Variants in CDH13 observed in about 807,000 individuals in gnomAD.
CDH13 encodes the protein cadherin 13.
In CDH13, 24 loss-of-function variants were observed where a neutral mutation model predicts 63.8. That is an observed-to-expected ratio of 0.38 (90% CI 0.27 to 0.53). The LOEUF (loss-of-function observed/expected upper bound fraction) is 0.53. Among genes scored for constraint, CDH13 ranks in the 20% least tolerant of loss-of-function variants. The probability of loss-of-function intolerance (pLI) is 0.85; values close to 1 mark genes in which losing one functional copy is unlikely to be tolerated. For synonymous variants in CDH13, 503 were observed against 355.3 expected, an observed-to-expected ratio of 1.42 and a Z score of -4.67; for missense variants, 1,049 against 903.1, an observed-to-expected ratio of 1.16 and a Z score of -2.07.
At chr16:83,057,383 C>T (rs2031057841) in intron 3 of CDH13, among the ~76,000 whole-genome samples, 1 of 152,068 alleles carries the variant, frequency 6.6e-6, no homozygotes, top group African/African-American at 2.4e-5. Context: ...AGTTGTATGT[C>T]TTCATCTTTA....
At chr16:83,444,734 G>A (rs1184062383) in intron 6 of CDH13, among the ~76,000 whole-genome samples, 2 of 60,680 alleles carry the variant, frequency 3.3e-5, no homozygotes, top group East Asian at 9.6e-4. Flanking sequence ...GCAGTGTGCT[G>A]AAACCAGCTT....
At chr16:82,993,626 T>C (rs1911892138) in intron 2 of CDH13, among the ~76,000 whole-genome samples, 1 of 152,188 alleles carries the variant, frequency 6.6e-6, no homozygotes, top group East Asian at 1.9e-4. Flanking sequence ...ATTAAAGACA[T>C]GTTATATCAG....
intron 2 of CDH13, among the ~76,000 whole-genome samples, chr16:82,984,136 T>C (rs1910643486): frequency 6.6e-6 from 1 of 152,172 alleles, no homozygotes; most frequent in African/African-American, 2.4e-5. Flanking sequence ...CCAAATATTC[T>C]AAATTTGGAT....
chr16:83,229,341 C>T (rs372411669), intron 5 of CDH13, among the ~76,000 whole-genome samples: 1 of 152,150 alleles, frequency 6.6e-6, no homozygotes, highest in South Asian at 2.1e-4. Flanking sequence ...CTTCAAGTTT[C>T]CCTCTACACA....
chr16:83,261,131 C>G (rs62040398), intron 5 of CDH13, among the ~76,000 whole-genome samples: 2 of 152,060 alleles, frequency 1.3e-5, no homozygotes, highest in African/African-American at 2.4e-5. Flanking sequence ...GACTGACCCA[C>G]CAAGACTTTG....
intron 6 of CDH13, chr16:83,396,572 G>A (rs1432008968): frequency 4.6e-5 from 7 of 152,022 alleles, no homozygotes; most frequent in African/African-American, 1.2e-4. Flanking sequence ...GTCCCTGAAG[G>A]GTTAAGCTCT....
chr16:83,103,243 CT>C (rs35812420), intron 3 of CDH13, among the ~76,000 whole-genome samples: 118 of 91,214 alleles, frequency 1.3e-3, no homozygotes, highest in Middle Eastern at 0.01. Flanking sequence ...GTTAACTGAA[CT>C]TTTTTTTTTT....
At chr16:83,700,006 C>T (rs530033463) in intron 10 of CDH13, among the ~76,000 whole-genome samples, 107 of 152,310 alleles carry the variant, frequency 7.0e-4, no homozygotes, top group African/African-American at 2.5e-3. Context: ...GACGCTATCA[C>T]CGTGATCTAG....
intron 2 of CDH13, among the ~76,000 whole-genome samples, chr16:83,007,174 G>A (rs929140782): frequency 2.0e-5 from 3 of 151,960 alleles, no homozygotes; most frequent in South Asian, 2.1e-4. Flanking sequence ...TGCCCACCTC[G>A]GCCTCCCAGA....
intron 5 of CDH13, among the ~76,000 whole-genome samples, chr16:83,294,616 G>C (rs78296477): frequency 6.7e-6 from 1 of 150,180 alleles, no homozygotes; most frequent in Admixed American, 6.7e-5. Flanking sequence ...GTGTGTGTGT[G>C]TGTATATATA....
chr16:83,486,331 T>C (rs2151563101), intron 6 of CDH13, 146 bp from the exon 7 acceptor site: 2 of 583,632 alleles, frequency 3.4e-6, no homozygotes, highest in Non-Finnish European at 5.7e-6. Context: ...AGCTGAAACA[T>C]AGCAAAGCTT....
chr16:83,251,287 C>G (rs901337473), intron 5 of CDH13, among the ~76,000 whole-genome samples: 35 of 152,068 alleles, frequency 2.3e-4, no homozygotes, highest in Non-Finnish European at 8.8e-5. Context: ...AGAAAAAGCT[C>G]TATTTAAGTG....
At position 82,757,647 on chromosome 16, in the gene CDH13, G is replaced by GTT. The variant is rs776039467; in HGVS notation, c.46-100702_46-100701dup. On this transcript the variant is annotated intron_variant, in intron 1 of 13. Coordinates refer to ENST00000567109, the MANE Select transcript of CDH13 (RefSeq NM_001257.5). ...GTAATAACGCCATAGCTTTTTTTTT[G>GTT]TTTTTTTTTTTTTTGGGGACAGAGT... Among the ~76,000 whole-genome samples, 99 of 88,424 alleles carry GTT rather than the reference G, an allele frequency of 1.1e-3. 1 individual carries two copies. Among genetic ancestry groups the GTT allele is most frequent in the South Asian group, 1.4e-3 (3 of 2,106 alleles). 58.0% of individuals were successfully genotyped at this position (88,424 alleles called of 152,430 possible). A position where few individuals can be genotyped will look rare whatever the true frequency, so the allele number is the denominator to read the frequency against.
At chr16:83,448,066 G>T (rs1354339483) in intron 6 of CDH13, among the ~76,000 whole-genome samples, 1 of 152,194 alleles carries the variant, frequency 6.6e-6, no homozygotes, top group Non-Finnish European at 1.5e-5. Flanking sequence ...GTGTTTAGCT[G>T]AGATAGGGGT....
At chr16:83,478,363 C>T (rs2073667386) in intron 6 of CDH13, among the ~76,000 whole-genome samples, 1 of 152,118 alleles carries the variant, frequency 6.6e-6, no homozygotes, top group Non-Finnish European at 1.5e-5. Flanking sequence ...AGTAGGTGAG[C>T]TTCTCACTCC....
chr16:83,533,265 A>C (rs985119835), intron 7 of CDH13, among the ~76,000 whole-genome samples: 11 of 152,188 alleles, frequency 7.2e-5, no homozygotes, highest in Non-Finnish European at 1.0e-4. Flanking sequence ...TGTGTATTGC[A>C]CTTAAATGTG....
chr16:83,791,425 G>C (rs533628497), intron 13 of CDH13, among the ~76,000 whole-genome samples: 2 of 152,032 alleles, frequency 1.3e-5, no homozygotes, highest in South Asian at 4.2e-4. Context: ...GAGCTTGGGA[G>C]GCAGAGGGTG....
chr16:83,596,221 G>C lies in CDH13; in HGVS notation c.961-6233G>C, dbSNP rs111252970. Among the ~76,000 whole-genome samples the C allele has an allele frequency of 9.4e-3, 1,437 of 152,296 alleles. 20 individuals carry two copies. The highest frequency in any genetic ancestry group is 0.032 in the African/African-American group (1,345 of 41,562). Reference sequence around the variant, plus strand: ...CAGCTGGACAAGTGAAAGTGAACCTGGACAAGTGAAGAGGCAGGTTGCCTT... The same window carrying C: ...CAGCTGGACAAGTGAAAGTGAACCTCGACAAGTGAAGAGGCAGGTTGCCTT... On this transcript the variant is annotated intron_variant, in intron 7 of 13. Transcript: ENST00000567109.
intron 2 of CDH13, among the ~76,000 whole-genome samples, chr16:82,949,024 C>T (rs563163805): frequency 5.3e-5 from 8 of 152,246 alleles, no homozygotes; most frequent in African/African-American, 1.9e-4. Flanking sequence ...GTTTTCAAAT[C>T]TTTGGCAAAT....
Sources: allele counts gnomAD v4.1 joint callset (sites outside exome capture counted in the v4.1 genomes callset), GRCh38; gene constraint gnomAD v4.1.1; transcripts MANE v1.5; gene names NCBI Gene and HGNC (gene_info 2026-07-23, HGNC 2026-07-21).